The following CREBBP variants were observed in gnomAD, a reference collection of about 807,000 sequenced individuals.
CREBBP encodes CREB binding lysine acetyltransferase, also known as CREB-binding protein.
A neutral mutation model predicts 265.0 loss-of-function variants in CREBBP; 19 were observed. The ratio of observed to expected loss-of-function variants is 0.07; its 90% CI spans 0.05 to 0.11. The LOEUF (loss-of-function observed/expected upper bound fraction) is 0.11, where lower values mean the gene tolerates loss of function less well. Among genes scored for constraint, CREBBP ranks in the 10% least tolerant of loss-of-function variants. The pLI is 1.00. For synonymous variants in CREBBP, 1,457 were observed against 1,223.7 expected (o/e 1.19, Z -3.98); for missense variants, 2,525 against 3,219.0 (o/e 0.78, Z 5.22).
At chr16:3,811,436 G>A (rs1567331975) in intron 2 of CREBBP, among the ~76,000 whole-genome samples, 1 of 152,318 alleles carries the variant, frequency 6.6e-6, no homozygotes, top group African/African-American at 2.4e-5. Flanking sequence ...AGACCTTGAT[G>A]ATGACCCACT....
At chr16:3,848,982 G>C (rs1324113931) in intron 2 of CREBBP, among the ~76,000 whole-genome samples, 2 of 152,136 alleles carry the variant, frequency 1.3e-5, no homozygotes, top group African/African-American at 2.4e-5. Context: ...ACAGGGTTTT[G>C]CATCCGTCAC....
At position 3,880,000 on chromosome 16, in the gene CREBBP, G is replaced by A. The variant is rs898671236; in HGVS notation, c.-84C>T. 2.2e-6 allele frequency: 3 copies of A among 1,367,312 alleles called. No homozygotes were observed. The highest frequency in any genetic ancestry group is 3.0e-5 in the African/African-American group (2 of 65,906). 84.7% of individuals were successfully genotyped at this position (1,367,312 alleles called of 1,614,324 possible). A position where few individuals can be genotyped will look rare whatever the true frequency, so the allele number is the denominator to read the frequency against. Reference sequence around the variant, plus strand: ...ACGGGGGTCGGGGGCCCTGCCGGCTGCGAGGGAGAGGAGCGAGCGCGGGCC... The same window carrying A: ...ACGGGGGTCGGGGGCCCTGCCGGCTACGAGGGAGAGGAGCGAGCGCGGGCC... On this transcript the variant is annotated 5_prime_UTR_variant, in exon 1 of 31. Transcript: ENST00000262367.
chr16:3,825,700 C>T (rs1337595783), intron 2 of CREBBP, among the ~76,000 whole-genome samples: 2 of 152,074 alleles, frequency 1.3e-5, no homozygotes, highest in Non-Finnish European at 2.9e-5. Flanking sequence ...AGTAACTTTG[C>T]CTTTATTTTA....
chr16:3,820,529 A>G (rs1470959438), intron 2 of CREBBP, among the ~76,000 whole-genome samples: 1 of 152,204 alleles, frequency 6.6e-6, no homozygotes, highest in Middle Eastern at 3.2e-3. Context: ...ATAAGTCCTA[A>G]CTGGAAGACT....
Position 3,872,842 on chromosome 16 carries a change from T to C in CREBBP, c.85+6990A>G, listed in dbSNP as rs906647595. Reference sequence around the variant, plus strand: ...GGCAGGCTTCCCCAACTCCTGGCTCTGTGCTGGCTCAGCAGAAGAGCTGTC... The same window carrying C: ...GGCAGGCTTCCCCAACTCCTGGCTCCGTGCTGGCTCAGCAGAAGAGCTGTC... On this transcript the variant is annotated intron_variant, in intron 1 of 30. Transcript: ENST00000262367. 1.1e-4 allele frequency among the ~76,000 whole-genome samples: 17 copies of C among 152,260 alleles called. No homozygotes were observed. In the South Asian group the frequency reaches 2.3e-3, roughly 20 times the overall value.
intron 1 of CREBBP, among the ~76,000 whole-genome samples, chr16:3,869,129 T>G (rs960484645): frequency 2.0e-5 from 3 of 152,118 alleles, no homozygotes; most frequent in African/African-American, 7.2e-5. Context: ...CACCCTCAGG[T>G]GTCAGTGCTA....
chr16:3,759,588 C>CAAAAAAAA (rs879293877), intron 16 of CREBBP, among the ~76,000 whole-genome samples: 1 of 129,464 alleles, frequency 7.7e-6, no homozygotes, highest in African/African-American at 3.7e-5. Context: ...ACTCTGTCTC[C>CAAAAAAAA]AAAAAAAAAA....
intron 21 of CREBBP, 38 bp downstream of exon 21, chr16:3,749,589 C>T (rs750760334): frequency 6.7e-7 from 1 of 1,499,968 alleles, no homozygotes; most frequent in Admixed American, 1.7e-5. Context: ...GATTTCAAAC[C>T]AAAACTGAAA....
intron 3 of CREBBP, among the ~76,000 whole-genome samples, chr16:3,794,440 G>C (rs1232987335): frequency 6.7e-6 from 1 of 149,240 alleles, no homozygotes; most frequent in African/African-American, 2.5e-5. Context: ...GCCACCTTTT[G>C]GATTTCATTA....
At chr16:3,750,435 G>A (rs1299976489) in intron 20 of CREBBP, among the ~76,000 whole-genome samples, 2 of 152,200 alleles carry the variant, frequency 1.3e-5, no homozygotes, top group Non-Finnish European at 2.9e-5. Context: ...TCACACTGTG[G>A]TAGGGTGGTA....
chr16:3,751,143 C>T (rs1424912764), intron 20 of CREBBP, among the ~76,000 whole-genome samples: 1 of 152,070 alleles, frequency 6.6e-6, no homozygotes, highest in Non-Finnish European at 1.5e-5. Context: ...AAAAGACAGA[C>T]CAAGGTCAAG....
In CREBBP at chr16:3,778,622, C is replaced by T. The variant is rs948723956; in HGVS notation, c.1941+78G>A. The T allele has an allele frequency of 7.5e-6, 9 of 1,205,084 alleles. No individual in the cohort carries two copies. In the African/African-American group the frequency reaches 1.3e-4, roughly 18 times the overall value. 74.6% of individuals were successfully genotyped at this position (1,205,084 alleles called of 1,614,324 possible). On this transcript the variant is annotated intron_variant, in intron 9 of 30. Coordinates refer to ENST00000262367, the MANE Select transcript of CREBBP (RefSeq NM_004380.3). Reference sequence around the variant, plus strand: ...CCAACTACATAGATTCCACTATTTCCAGATAACAAAGCAGACAAATGTAGT... The same window carrying T: ...CCAACTACATAGATTCCACTATTTCTAGATAACAAAGCAGACAAATGTAGT...
chr16:3,804,671 C>A (rs1318776392), intron 3 of CREBBP, among the ~76,000 whole-genome samples: 3 of 152,248 alleles, frequency 2.0e-5, no homozygotes, highest in African/African-American at 7.2e-5. Context: ...CACTTCATTT[C>A]TCAGAAATGC....
chr16:3,766,174 A>G (rs192607179), intron 16 of CREBBP, among the ~76,000 whole-genome samples: 5 of 151,810 alleles, frequency 3.3e-5, no homozygotes, highest in Admixed American at 2.0e-4. Flanking sequence ...AGATGGATCA[A>G]TGGATTCTAA....
At chr16:3,808,638 A>G (rs998332562) in intron 3 of CREBBP, among the ~76,000 whole-genome samples, 1 of 152,232 alleles carries the variant, frequency 6.6e-6, no homozygotes, top group Non-Finnish European at 1.5e-5. Flanking sequence ...AGGGGCCCGG[A>G]GCACAGATTC....
Position 3,850,501 on chromosome 16 carries a change from A to G in CREBBP, c.594T>C (p.Ile198=), listed in dbSNP as rs1376107928. 2.0e-5 allele frequency: 32 copies of G among 1,614,096 alleles called. No homozygotes were observed. The highest frequency in any genetic ancestry group is 1.2e-4 in the Admixed American group (7 of 60,004). ...LLNSNSGHSL[I]NQASQGQAQV... is the part of the protein sequence containing the mutation. Reference sequence around the variant, plus strand: ...GCGCCTGCCCTTGTGAAGCCTGATTAATTAAGCTATGGCCAGAGTTACTAT... The same window carrying G: ...GCGCCTGCCCTTGTGAAGCCTGATTGATTAAGCTATGGCCAGAGTTACTAT... Residue 198 remains isoleucine (I), a synonymous_variant, in exon 2 of 31, where the codon ATT becomes ATC. Transcript: ENST00000262367.
At chr16:3,800,136 T>C (rs2053683313) in intron 3 of CREBBP, among the ~76,000 whole-genome samples, 1 of 152,198 alleles carries the variant, frequency 6.6e-6, no homozygotes, top group African/African-American at 2.4e-5. Context: ...CTTTTTATTT[T>C]TGGAGACAGG....
chr16:3,869,447 A>G (rs1205567009), intron 1 of CREBBP, among the ~76,000 whole-genome samples: 3 of 152,254 alleles, frequency 2.0e-5, no homozygotes, highest in Non-Finnish European at 4.4e-5. Flanking sequence ...CATCTTTAAA[A>G]GATGATCGTT....
Position 3,793,521 on chromosome 16 carries a change from G to C in CREBBP, c.1081C>G (p.Leu361Val). Reference sequence around the variant, plus strand: ...CTCTGACACTTATGAGCATGAAGCAGTAGAACCAGCTGCTGCTGTATCAGT... The same window carrying C: ...CTCTGACACTTATGAGCATGAAGCACTAGAACCAGCTGCTGCTGTATCAGT... ...RKLIQQQLVL[L>V]LHAHKCQRRE... The change falls in exon 4 of 31, where the codon CTG (leucine) becomes GTG (valine). Residue 361 changes from leucine to valine, a missense_variant. Transcript: ENST00000262367. 1 of 1,614,188 alleles carries C rather than the reference G, an allele frequency of 6.2e-7. No homozygotes were observed. The highest frequency in any genetic ancestry group is 8.5e-7 in the Non-Finnish European group (1 of 1,180,048).
Sources: allele counts gnomAD v4.1 joint callset (sites outside exome capture counted in the v4.1 genomes callset), GRCh38; gene constraint gnomAD v4.1.1; transcripts MANE v1.5; gene names NCBI Gene and HGNC (gene_info 2026-07-23, HGNC 2026-07-21).